The following INTS6 variants were observed in gnomAD, a reference collection of about 807,000 sequenced individuals.
INTS6 encodes the protein integrator complex subunit 6.
In INTS6, 16 loss-of-function variants were observed where a neutral mutation model predicts 104.9. That is an observed-to-expected ratio of 0.15 (90% CI 0.10 to 0.23). The LOEUF is 0.23. Ranked by LOEUF, INTS6 falls within the 10% of genes least tolerant of loss-of-function variation. The probability of loss-of-function intolerance (pLI) is 1.00; values close to 1 mark genes in which losing one functional copy is unlikely to be tolerated. For missense variants in INTS6, 584 were observed against 1,062.8 expected, an observed-to-expected ratio of 0.55 and a Z score of 6.26; for synonymous variants, 324 against 358.7, an observed-to-expected ratio of 0.90 and a Z score of 1.09.
chr13:51,452,741 C>A lies in INTS6; in HGVS notation c.-216G>T. ...CCCAGTGCTCCCCGTCGTACCCCCG[C>A]CTCCGCCTCCTCCTGCCTGCCTGCC... On this transcript the variant is annotated 5_prime_UTR_variant, in exon 1 of 18. Transcript: ENST00000311234. This position sits in a 1 kb window ranked among gnomAD's most constrained non-coding sequence, Gnocchi z 4.2. 2.4e-6 allele frequency: 3 copies of A among 1,231,542 alleles called. No homozygotes were observed. Among genetic ancestry groups the A allele is most frequent in the Non-Finnish European group, 3.1e-6 (3 of 979,634 alleles). The allele number at this position is 1,231,542 out of a possible 1,614,324, so 76.3% of individuals were successfully genotyped here.
chr13:51,383,215 G>A (rs1475930305), intron 9 of INTS6, 114 bp downstream of exon 9: 2 of 870,238 alleles, frequency 2.3e-6, no homozygotes, highest in Non-Finnish European at 3.3e-6. Context: ...CAACATTTTA[G>A]AATATTCAAA....
intron 3 of INTS6, among the ~76,000 whole-genome samples, chr13:51,355,495 C>G (rs1955467774): frequency 1.3e-5 from 2 of 152,138 alleles, no homozygotes; most frequent in South Asian, 4.1e-4. Flanking sequence ...GCTGTCCCAT[C>G]AGCTTCAGTC....
At chr13:51,340,950 C>A in the INTS6 span, 1 of 866,052 alleles carries the variant, frequency 1.2e-6, no homozygotes, top group Non-Finnish European at 1.8e-6. Flanking sequence ...CAGCTCAATG[C>A]ATCTCTCCCT....
Position 51,389,452 on chromosome 13 carries a change from TA to T in INTS6, c.614-9del, listed in dbSNP as rs760577277. Reference sequence around the variant, plus strand: ...ACACAGAATATGAACGGCCTGAGATTAAAAAAAAGAAGAAGAAGAAGAAGAA... The same window carrying T: ...ACACAGAATATGAACGGCCTGAGATTAAAAAAAGAAGAAGAAGAAGAAGAA... On this transcript the variant is annotated splice_polypyrimidine_tract_variant and intron_variant, in intron 5 of 17. Transcript: ENST00000311234. The T allele has an allele frequency of 4.5e-5, 71 of 1,565,556 alleles. No individual in the cohort carries two copies. Among genetic ancestry groups the T allele is most frequent in the South Asian group, 1.8e-4 (15 of 84,140 alleles).
At chr13:51,446,340 T>C (rs551039358) in intron 3 of INTS6, 2 of 152,196 alleles carry the variant, frequency 1.3e-5, no homozygotes, top group Non-Finnish European at 2.9e-5. Flanking sequence ...AAAATGTAAA[T>C]AAAAACCACA....
At chr13:51,449,743 C>T (rs1427871229) in intron 3 of INTS6, 8 of 985,260 alleles carry the variant, frequency 8.1e-6, no homozygotes, top group Non-Finnish European at 9.6e-6. Context: ...AAATCCACTA[C>T]TATTTTACAG....
intron 10 of INTS6, among the ~76,000 whole-genome samples, chr13:51,381,796 G>A (rs796068603): frequency 1.3e-4 from 19 of 150,828 alleles, no homozygotes; most frequent in African/African-American, 3.7e-4. Flanking sequence ...TCTGCCTTCC[G>A]GTTTCAAGCG....
rs1953072305 is a variant in INTS6 at position 51,452,162 on chromosome 13, C to A, written c.112-107G>T. On this transcript the variant is annotated intron_variant, in intron 1 of 17. Coordinates refer to ENST00000311234, the MANE Select transcript of INTS6 (RefSeq NM_012141.3). The surrounding 1 kb of genome is among the most constrained non-coding windows in gnomAD (Gnocchi z 4.2). ...GCCCCGCCGCCCCCACAGTACCGCACACGCAGCGGCCACCCCTCCACGCCG... is the reference window on the plus strand; with the variant it reads ...GCCCCGCCGCCCCCACAGTACCGCAAACGCAGCGGCCACCCCTCCACGCCG... 7 of 1,044,968 alleles carry A rather than the reference C, an allele frequency of 6.7e-6. No homozygotes were observed. Among genetic ancestry groups the A allele is most frequent in the Non-Finnish European group, 1.0e-5 (7 of 702,052 alleles). The allele number at this position is 1,044,968 out of a possible 1,614,324, so 64.7% of individuals were successfully genotyped here. A position where few individuals can be genotyped will look rare whatever the true frequency, so the allele number is the denominator to read the frequency against.
At chr13:51,441,267 C>G (rs571721140) in intron 3 of INTS6, 1 of 152,066 alleles carries the variant, frequency 6.6e-6, no homozygotes, top group Non-Finnish European at 1.5e-5. Context: ...CCTCTAGTAC[C>G]CCATAATTTC....
chr13:51,379,779 A>G (rs1242882406), intron 10 of INTS6, among the ~76,000 whole-genome samples: 1 of 152,104 alleles, frequency 6.6e-6, no homozygotes, highest in Non-Finnish European at 1.5e-5. Flanking sequence ...ATTAGAGGCC[A>G]TAATAACTCC....
intron 5 of INTS6, 43 bp from the exon 6 acceptor site, chr13:51,389,487 T>G: frequency 6.7e-7 from 1 of 1,487,776 alleles, no homozygotes; most frequent in Non-Finnish European, 9.0e-7. Context: ...AAGAATATAG[T>G]AAACTAGTTA....
intron 4 of INTS6, among the ~76,000 whole-genome samples, chr13:51,415,966 C>A (rs1956780063): frequency 6.6e-6 from 1 of 152,034 alleles, no homozygotes; most frequent in Non-Finnish European, 1.5e-5. Flanking sequence ...CAAAGCAGAG[C>A]CAGGAAAGTG....
intron 2 of INTS6, 194 bp from the exon 3 acceptor site, chr13:51,451,368 GT>G (rs950793112): frequency 1.8e-5 from 7 of 389,076 alleles, no homozygotes; most frequent in Non-Finnish European, 1.8e-5. Flanking sequence ...TCCTCTCTAG[GT>G]TTTGGTAGTT....
chr13:51,374,472 T>C (rs758827758), intron 14 of INTS6, 33 bp from the exon 15 acceptor site: 1 of 1,596,182 alleles, frequency 6.3e-7, no homozygotes, highest in Non-Finnish European at 8.6e-7. Context: ...TTTCTTGAAT[T>C]TACAAACAAT....
chr13:51,344,012 T>C, the INTS6 span, among the ~76,000 whole-genome samples: 2,418 of 152,344 alleles, frequency 0.016, 28 homozygotes, highest in Non-Finnish European at 0.026. Context: ...TTTGACTTCA[T>C]TGCAGCTTGA....
At position 51,452,428 on chromosome 13, in the gene INTS6, T is replaced by A; in HGVS notation, c.98A>T (p.Glu33Val). Reference protein sequence around the residue: ...TYLDTAKGAVETFMKLRARDP... With the variant: ...TYLDTAKGAVVTFMKLRARDP... Reference sequence around the variant, plus strand: ...GTCAGTCGGTACCTTCATGAAGGTCTCTACCGCGCCTTTGGCCGTGTCCAG... The same window carrying A: ...GTCAGTCGGTACCTTCATGAAGGTCACTACCGCGCCTTTGGCCGTGTCCAG... Residue 33 changes from glutamate to valine, a missense_variant, in exon 1 of 18, where the codon GAG (glutamate) becomes GTG (valine). Physicochemically the swap from Glu to Val is moderately radical, Grantham distance 121. Transcript: ENST00000311234. The surrounding 1 kb of genome is among the most constrained non-coding windows in gnomAD (Gnocchi z 4.2). 1 of 1,609,502 alleles carries A rather than the reference T, an allele frequency of 6.2e-7. No homozygotes were observed. Among genetic ancestry groups the A allele is most frequent in the Non-Finnish European group, 8.5e-7 (1 of 1,177,596 alleles).
At chr13:51,425,374 G>T (rs1956966324) in intron 4 of INTS6, among the ~76,000 whole-genome samples, 2 of 152,022 alleles carry the variant, frequency 1.3e-5, no homozygotes, top group Non-Finnish European at 2.9e-5. Flanking sequence ...GGCTTAAAAA[G>T]CTGGGACAGC....
intron 4 of INTS6, among the ~76,000 whole-genome samples, chr13:51,419,351 A>C (rs997146804): frequency 6.6e-6 from 1 of 152,170 alleles, no homozygotes; most frequent in African/African-American, 2.4e-5. Flanking sequence ...CTGTAAGACA[A>C]AGTCGAAACT....
At position 51,452,321 on chromosome 13, in the gene INTS6, G is replaced by C. The variant is rs1369914683; in HGVS notation, c.111+94C>G. The C allele has an allele frequency of 8.3e-7, 1 of 1,204,518 alleles. No homozygotes were observed. The highest frequency in any genetic ancestry group is 1.6e-5 in the African/African-American group (1 of 61,596). The allele number at this position is 1,204,518 out of a possible 1,614,324, so 74.6% of individuals were successfully genotyped here. On this transcript the variant is annotated intron_variant, in intron 1 of 17. Coordinates refer to ENST00000311234, the MANE Select transcript of INTS6 (RefSeq NM_012141.3). The surrounding 1 kb of genome is among the most constrained non-coding windows in gnomAD (Gnocchi z 4.2). ...CCGAGCCCGGCAGCTCCCGCAGTCA[G>C]GTCCCCGACACCCCCGCCCCGGCCG...
Sources: allele counts gnomAD v4.1 joint callset (sites outside exome capture counted in the v4.1 genomes callset), GRCh38; gene constraint gnomAD v4.1.1; non-coding constraint Gnocchi (gnomAD v3.1); transcripts MANE v1.5; gene names NCBI Gene and HGNC (gene_info 2026-07-23, HGNC 2026-07-21).